The following ME3 variants were observed in gnomAD, a reference collection of about 807,000 sequenced individuals.
ME3 encodes the protein NADP-dependent malic enzyme, mitochondrial.
Under a neutral mutation model 68.9 loss-of-function variants are expected in ME3, and 48 were observed. The ratio of observed to expected loss-of-function variants is 0.70; its 90% CI spans 0.55 to 0.89. ME3 has a LOEUF of 0.89. Ranked by LOEUF, ME3 falls within the 40% of genes least tolerant of loss-of-function variation. The pLI is 0.00. For synonymous variants in ME3, 320 were observed against 318.8 expected (o/e 1.00, Z -0.04); for missense variants, 675 against 797.4 (o/e 0.85, Z 1.85).
chr11:86,442,516 T>TA (rs1949055866), intron 14 of ME3, among the ~76,000 whole-genome samples: 1 of 152,180 alleles, frequency 6.6e-6, no homozygotes, highest in African/African-American at 2.4e-5. Flanking sequence ...ACCTTTCTTA[T>TA]AAATGGGCGC....
At chr11:86,650,863 G>C (rs1363711054) in intron 2 of ME3, among the ~76,000 whole-genome samples, 6 of 152,238 alleles carry the variant, frequency 3.9e-5, no homozygotes, top group African/African-American at 1.4e-4. Flanking sequence ...AGGGGTGACA[G>C]AGGGCACCAG....
At chr11:86,531,453 G>T (rs1004482311) in intron 4 of ME3, among the ~76,000 whole-genome samples, 2 of 152,176 alleles carry the variant, frequency 1.3e-5, no homozygotes, top group Non-Finnish European at 2.9e-5. Flanking sequence ...ATTCCTCAGG[G>T]ATCTAGAACT....
At chr11:86,479,057 T>A (rs1951241719) in intron 7 of ME3, among the ~76,000 whole-genome samples, 5 of 152,208 alleles carry the variant, frequency 3.3e-5, no homozygotes, top group Admixed American at 3.3e-4. Flanking sequence ...TTTGTATTAG[T>A]AAATTGAATA....
At chr11:86,510,642 C>T (rs1306508231) in intron 4 of ME3, among the ~76,000 whole-genome samples, 1 of 152,120 alleles carries the variant, frequency 6.6e-6, no homozygotes, top group Non-Finnish European at 1.5e-5. Context: ...GCATGTTTGG[C>T]AACATCCTTG....
intron 2 of ME3, among the ~76,000 whole-genome samples, chr11:86,564,051 T>C (rs758730408): frequency 6.6e-6 from 1 of 152,154 alleles, no homozygotes; most frequent in Non-Finnish European, 1.5e-5. Flanking sequence ...TGGCCATTTT[T>C]ACAACATTGA....
chr11:86,441,371 C>A, exon 15 of ME3: 2 of 1,613,434 alleles, frequency 1.2e-6, no homozygotes, highest in Non-Finnish European at 1.7e-6. Context: ...AGGGATCTTA[C>A]AAAAGCCTCC....
chr11:86,656,300 A>C (rs1340150432), intron 2 of ME3, among the ~76,000 whole-genome samples: 2 of 151,958 alleles, frequency 1.3e-5, no homozygotes, highest in African/African-American at 4.8e-5. Context: ...ACATGCACAC[A>C]TATGTTTATT....
At chr11:86,659,136 G>T (rs1439326929) in intron 2 of ME3, among the ~76,000 whole-genome samples, 2 of 152,154 alleles carry the variant, frequency 1.3e-5, no homozygotes, top group Non-Finnish European at 2.9e-5. Context: ...TGGCAACTGG[G>T]AACTCACACA....
At position 86,534,930 on chromosome 11, in the gene ME3, G is replaced by A. The variant is rs544904094; in HGVS notation, c.467+21623C>T. Among the ~76,000 whole-genome samples the A allele has an allele frequency of 4.9e-5, 7 of 141,552 alleles. No homozygotes were observed. In the East Asian group the frequency reaches 1.4e-3, roughly 28 times the overall value. 92.9% of individuals were successfully genotyped at this position (141,552 alleles called of 152,430 possible). ...AACTTGTAAGTAGTTTTAAAATGGA[G>A]AGTTTGGGCCCTACTCCTGACACAG... On this transcript the variant is annotated intron_variant, in intron 4 of 14. Transcript: ENST00000543262.
chr11:86,622,767 A>G (rs182695005), intron 2 of ME3: 2 of 152,034 alleles, frequency 1.3e-5, no homozygotes, highest in Non-Finnish European at 2.9e-5. Flanking sequence ...TGGCTGATGA[A>G]AGAGTTCCTT....
intron 3 of ME3, 107 bp downstream of exon 3, chr11:86,559,583 C>T: frequency 7.2e-7 from 1 of 1,384,360 alleles, no homozygotes; most frequent in Non-Finnish European, 9.7e-7. Flanking sequence ...TCTTTGGGCT[C>T]TCAGCCTTTT....
intron 3 of ME3, among the ~76,000 whole-genome samples, chr11:86,559,001 G>A (rs978801781): frequency 6.6e-6 from 1 of 152,182 alleles, no homozygotes; most frequent in African/African-American, 2.4e-5. Context: ...GAAATGAAAA[G>A]CATAGACTCT....
intron 2 of ME3, among the ~76,000 whole-genome samples, chr11:86,613,983 A>G (rs1180560471): frequency 2.6e-5 from 4 of 152,200 alleles, no homozygotes; most frequent in African/African-American, 4.8e-5. Flanking sequence ...TAAATTTCAT[A>G]TGGAACCAAC....
chr11:86,617,045 G>GTTGTTTT (rs1943008171), intron 2 of ME3, among the ~76,000 whole-genome samples: 1 of 56,300 alleles, frequency 1.8e-5, no homozygotes, highest in Non-Finnish European at 3.1e-5. Flanking sequence ...CAAGATAGTA[G>GTTGTTTT]TTTTTTTTTT....
chr11:86,583,101 G>T (rs552001458), intron 2 of ME3, among the ~76,000 whole-genome samples: 2 of 152,102 alleles, frequency 1.3e-5, no homozygotes, highest in South Asian at 4.2e-4. Context: ...CTTAGAAAGG[G>T]TTATGCTGTC....
intron 2 of ME3, among the ~76,000 whole-genome samples, chr11:86,586,883 G>A (rs1165961385): frequency 6.6e-6 from 1 of 152,188 alleles, no homozygotes; most frequent in Non-Finnish European, 1.5e-5. Flanking sequence ...GGTTTTAGTT[G>A]ATAGACAGAG....
At chr11:86,505,815 C>T (rs1441318559) in intron 5 of ME3, among the ~76,000 whole-genome samples, 1 of 152,196 alleles carries the variant, frequency 6.6e-6, no homozygotes, top group Non-Finnish European at 1.5e-5. Context: ...TACATAGTCG[C>T]TGGGACTGAT....
chr11:86,572,019 G>A (rs1957826321), intron 2 of ME3, among the ~76,000 whole-genome samples: 1 of 152,194 alleles, frequency 6.6e-6, no homozygotes, highest in Non-Finnish European at 1.5e-5. Context: ...AGTCAAGGAT[G>A]AGGAGACAAA....
intron 7 of ME3, among the ~76,000 whole-genome samples, chr11:86,470,701 A>G (rs1270443276): frequency 2.0e-5 from 3 of 152,200 alleles, no homozygotes; most frequent in African/African-American, 7.2e-5. Context: ...ATGGCTCTGC[A>G]GGAAGAACTT....
Sources: gnomAD v4.1 joint callset for allele counts (sites outside exome capture counted in the v4.1 genomes callset) on GRCh38, gnomAD v4.1.1 for gene constraint, MANE v1.5 for transcripts, NCBI Gene and HGNC (gene_info 2026-07-23, HGNC 2026-07-21) for gene names.